Variants in CSMD3 observed in about 807,000 individuals in gnomAD.
CSMD3 encodes CUB and Sushi multiple domains 3.
A neutral mutation model predicts 435.2 loss-of-function variants in CSMD3; 177 were observed. The observed-to-expected ratio is 0.41, with a 90% CI of 0.36 to 0.46. The LOEUF (loss-of-function observed/expected upper bound fraction) is 0.46, where lower values mean the gene tolerates loss of function less well. Ranked by LOEUF, CSMD3 falls within the 20% of genes least tolerant of loss-of-function variation. CSMD3 has a pLI of 0.34. For synonymous variants in CSMD3, 1,656 were observed against 1,520.5 expected (o/e 1.09, Z -2.07); for missense variants, 4,265 against 4,504.6 (o/e 0.95, Z 1.52).
At chr8:112,280,655 A>G (rs149710010) in intron 59 of CSMD3, among the ~76,000 whole-genome samples, 1 of 152,148 alleles carries the variant, frequency 6.6e-6, no homozygotes, top group Non-Finnish European at 1.5e-5. Flanking sequence ...TTTTAAACAC[A>G]TTTTTCAAAA....
At chr8:112,812,334 T>C (rs1000244065) in intron 12 of CSMD3, among the ~76,000 whole-genome samples, 1 of 152,134 alleles carries the variant, frequency 6.6e-6, no homozygotes, top group Admixed American at 6.6e-5. Context: ...GTAAACACAC[T>C]GGGCATGTGG....
intron 10 of CSMD3, among the ~76,000 whole-genome samples, chr8:112,920,436 C>T (rs116878778): frequency 6.6e-6 from 1 of 151,690 alleles, no homozygotes; most frequent in African/African-American, 2.4e-5. Context: ...TATTTTTAAA[C>T]ATTTATCTCA....
At chr8:113,222,346 T>C (rs774316055) in intron 3 of CSMD3, among the ~76,000 whole-genome samples, 29 of 151,144 alleles carry the variant, frequency 1.9e-4, no homozygotes, top group Non-Finnish European at 3.4e-4. Context: ...AGAAAACCTG[T>C]ATAAAAAAGA....
At chr8:112,270,203 G>A (rs1054743989) in intron 59 of CSMD3, among the ~76,000 whole-genome samples, 4 of 152,068 alleles carry the variant, frequency 2.6e-5, no homozygotes, top group Non-Finnish European at 5.9e-5. Context: ...CCAAGCATAG[G>A]GGATTGGAGA....
At chr8:112,386,786 C>T (rs1258484139) in intron 36 of CSMD3, among the ~76,000 whole-genome samples, 2 of 152,110 alleles carry the variant, frequency 1.3e-5, no homozygotes, top group Admixed American at 6.5e-5. Flanking sequence ...CGTGAGCCAC[C>T]GCGCCCGGCC....
intron 3 of CSMD3, among the ~76,000 whole-genome samples, chr8:113,198,328 T>A (rs2092681916): frequency 6.6e-6 from 1 of 151,488 alleles, no homozygotes; most frequent in South Asian, 2.1e-4. Flanking sequence ...TATGTGTATG[T>A]TGTATATACA....
chr8:112,989,289 T>C (rs2085363023), intron 6 of CSMD3, among the ~76,000 whole-genome samples: 1 of 152,082 alleles, frequency 6.6e-6, no homozygotes, highest in South Asian at 2.1e-4. Context: ...GATTTTTTTC[T>C]TAATCTTGGT....
At chr8:112,270,262 T>C (rs918715159) in intron 59 of CSMD3, among the ~76,000 whole-genome samples, 2 of 151,470 alleles carry the variant, frequency 1.3e-5, no homozygotes, top group African/African-American at 2.4e-5. Flanking sequence ...GTTTCTAAAA[T>C]CATTGAAATG....
chr8:112,685,797 T>G, intron 14 of CSMD3, 65 bp from the exon 15 acceptor site: 1 of 1,013,718 alleles, frequency 9.9e-7, no homozygotes, highest in South Asian at 1.3e-5. Flanking sequence ...TCTTATTTTG[T>G]CATATTCTAC....
At chr8:113,377,126 C>G in intron 1 of CSMD3, 1 of 1,259,860 alleles carries the variant, frequency 7.9e-7, no homozygotes, top group Admixed American at 3.1e-5. Flanking sequence ...GTCCGGCTCT[C>G]CGGTCCTCCA....
chr8:112,850,650 T>C (rs1260828408), intron 11 of CSMD3, among the ~76,000 whole-genome samples: 1 of 152,218 alleles, frequency 6.6e-6, no homozygotes, highest in Non-Finnish European at 1.5e-5. Flanking sequence ...TTTCCTCAAT[T>C]TTTTTGTGCC....
At chr8:112,840,056 G>A (rs1564013085) in intron 11 of CSMD3, among the ~76,000 whole-genome samples, 1 of 151,572 alleles carries the variant, frequency 6.6e-6, no homozygotes, top group East Asian at 1.9e-4. Flanking sequence ...TGGAAGGCCC[G>A]GTTTACTTCT....
chr8:113,266,117 T>A (rs761991850), intron 3 of CSMD3, among the ~76,000 whole-genome samples: 140 of 150,758 alleles, frequency 9.3e-4, no homozygotes, highest in Middle Eastern at 3.6e-3. Flanking sequence ...AAGCTCTCTA[T>A]TAAATTTCAT....
chr8:112,259,089 C>A (rs993385786), intron 61 of CSMD3, among the ~76,000 whole-genome samples: 4 of 151,996 alleles, frequency 2.6e-5, no homozygotes, highest in Admixed American at 6.6e-5. Context: ...AATCCCATTA[C>A]TGGGTATATA....
chr8:113,033,149 T>C (rs2087192233), intron 5 of CSMD3, among the ~76,000 whole-genome samples: 1 of 151,400 alleles, frequency 6.6e-6, no homozygotes, highest in African/African-American at 2.4e-5. Flanking sequence ...GAAATGTGAG[T>C]TGGAGCTCTC....
chr8:112,488,786 C>G (rs867768009), intron 31 of CSMD3, among the ~76,000 whole-genome samples: 4 of 152,066 alleles, frequency 2.6e-5, no homozygotes, highest in African/African-American at 9.7e-5. Flanking sequence ...GTTACATCAT[C>G]TTTTGTATCA....
At chr8:113,150,358 A>G (rs1038088335) in intron 4 of CSMD3, among the ~76,000 whole-genome samples, 3 of 152,008 alleles carry the variant, frequency 2.0e-5, no homozygotes, top group Non-Finnish European at 4.4e-5. Context: ...GCAGCAGCAG[A>G]TCCTCTACTG....
At chr8:113,239,195 CTCATATTGGAAGTG>C (rs2093183926) in intron 3 of CSMD3, among the ~76,000 whole-genome samples, 1 of 152,090 alleles carries the variant, frequency 6.6e-6, no homozygotes, top group Non-Finnish European at 1.5e-5. Flanking sequence ...GGACTTAAAA[CTCATATTGGAAGTG>C]CACCACCAGG....
intron 3 of CSMD3, among the ~76,000 whole-genome samples, chr8:113,231,311 A>G (rs1396496561): frequency 6.6e-6 from 1 of 151,300 alleles, no homozygotes; most frequent in Non-Finnish European, 1.5e-5. Context: ...ACTCAAGGAT[A>G]TTTCCTACTA....
Sources: gnomAD v4.1 joint callset for allele counts (sites outside exome capture counted in the v4.1 genomes callset) on GRCh38, gnomAD v4.1.1 for gene constraint, MANE v1.5 for transcripts, NCBI Gene and HGNC (gene_info 2026-07-23, HGNC 2026-07-21) for gene names.